The following ZNF746 variants were observed in gnomAD, a reference collection of about 807,000 sequenced individuals.
ZNF746 encodes the protein parkin-interacting substrate.
Under a neutral mutation model 41.0 loss-of-function variants are expected in ZNF746, and 13 were observed. That is an observed-to-expected ratio of 0.32 (90% confidence interval 0.21 to 0.50). The LOEUF is 0.50. Among genes scored for constraint, ZNF746 ranks in the 20% least tolerant of loss-of-function variants. The pLI is 0.98. For missense variants in ZNF746, 811 were observed against 922.9 expected (o/e 0.88, Z 1.57); for synonymous variants, 424 against 396.2 (o/e 1.07, Z -0.83).
At chr7:149,482,598 G>A (rs1451987430) in intron 4 of ZNF746, among the ~76,000 whole-genome samples, 2 of 151,878 alleles carry the variant, frequency 1.3e-5, no homozygotes, top group Admixed American at 1.3e-4. Context: ...CCGAGTAGCT[G>A]GGATTACAGA....
chr7:149,493,908 A>G (rs899333880), intron 3 of ZNF746, 81 bp downstream of exon 3: 7 of 1,608,138 alleles, frequency 4.4e-6, no homozygotes, highest in African/African-American at 1.3e-5. Context: ...TATAACACTG[A>G]CATGAAAACA....
rs1585722899 is a variant in ZNF746, at chr7:149,477,747, G to A, written c.574C>T (p.Pro192Ser). 6.2e-7 allele frequency: 1 copy of A among 1,603,582 alleles called. No individual in the cohort carries two copies. The highest frequency in any genetic ancestry group is 8.5e-7 in the Non-Finnish European group (1 of 1,172,786). ...AAGAGGTCTGGGGCGGGAACTGGGGGCCCCGAGCCTAGGAAAGGGAGTGAG... is the reference window on the plus strand; with the variant it reads ...AAGAGGTCTGGGGCGGGAACTGGGGACCCCGAGCCTAGGAAAGGGAGTGAG... ...VPVDPSPGSGPPVPAPDLLMQ... is the reference protein window; with the variant it reads ...VPVDPSPGSGSPVPAPDLLMQ... Residue 192 changes from proline (P) to serine (S), a missense_variant, in exon 5 of 7, where the codon CCC becomes TCC. Pro to Ser is a moderately conservative substitution (Grantham distance 74, BLOSUM62 -1). Coordinates refer to ENST00000458143, the MANE Select transcript of ZNF746 (RefSeq NM_001394198.1).
rs536076711 is a variant in ZNF746, at chr7:149,494,542, A to C, written c.25-39T>G. 2.9e-5 allele frequency: 47 copies of C among 1,609,092 alleles called. No individual in the cohort carries two copies. In the South Asian group the frequency reaches 3.9e-4, roughly 13 times the overall value. On this transcript the variant is annotated intron_variant, in intron 1 of 6. Coordinates refer to ENST00000458143, the MANE Select transcript of ZNF746 (RefSeq NM_001394198.1). The surrounding 1 kb of genome is among the most constrained non-coding windows in gnomAD (Gnocchi z 5.6). ...AAGAGAAACTGGCATCACTCATTCC[A>C]TCCACTGTCTTCATTGAGCCCCTCT...
chr7:149,495,380 T>C (rs1227980618), intron 1 of ZNF746, among the ~76,000 whole-genome samples: 1 of 152,202 alleles, frequency 6.6e-6, no homozygotes, highest in East Asian at 1.9e-4. Flanking sequence ...GTTAGACTTG[T>C]ATATGGACAG....
intron 4 of ZNF746, chr7:149,488,792 T>A (rs1453807206): frequency 2.0e-5 from 3 of 152,162 alleles, no homozygotes; most frequent in Non-Finnish European, 4.4e-5. Context: ...AAATCAAGCC[T>A]ACGACGTGGT....
intron 4 of ZNF746, among the ~76,000 whole-genome samples, chr7:149,479,345 T>C (rs1165447943): frequency 2.6e-5 from 4 of 152,324 alleles, no homozygotes; most frequent in African/African-American, 9.6e-5. Flanking sequence ...CAGAAGACAA[T>C]GGAATATCTT....
Position 149,474,001 on chromosome 7 carries a change from C to T in ZNF746, c.*383G>A, listed in dbSNP as rs144545891. 8.7e-4 allele frequency: 243 copies of T among 278,744 alleles called. 1 individual carries two copies. Among genetic ancestry groups the T allele is most frequent in the African/African-American group, 5.2e-3 (228 of 43,618 alleles). 17.3% of individuals were successfully genotyped at this position (278,744 alleles called of 1,614,324 possible). A position where few individuals can be genotyped will look rare whatever the true frequency, so the allele number is the denominator to read the frequency against. ...GGTCCCCAACTGGCCAACCTTCCAA[C>T]ACACTATCAGACTCAGTGAGATAGT... is the stretch of plus-strand genomic sequence containing the variant. On this transcript the variant is annotated 3_prime_UTR_variant, in exon 7 of 7. Transcript: ENST00000458143. The surrounding 1 kb of genome is among the most constrained non-coding windows in gnomAD (Gnocchi z 6.3).
intron 4 of ZNF746, among the ~76,000 whole-genome samples, chr7:149,480,868 A>ACC (rs1800465201): frequency 6.6e-6 from 1 of 152,246 alleles, no homozygotes; most frequent in Non-Finnish European, 1.5e-5. Context: ...CTAAAAATAT[A>ACC]AAGAGGGGTT....
At position 149,482,130 on chromosome 7, in the gene ZNF746, C is replaced by T. The variant is rs528251700; in HGVS notation, c.566-4375G>A. 1.6e-4 allele frequency among the ~76,000 whole-genome samples: 25 copies of T among 152,206 alleles called. No homozygotes were observed. In the East Asian group the frequency reaches 3.5e-3, roughly 21 times the overall value. On this transcript the variant is annotated intron_variant, in intron 4 of 6. Transcript: ENST00000458143. ...GTTTTTGTACACGGTTTTTGAAATA[C>T]GGTATGTATTTTATCCTTACAGCAC...
intron 4 of ZNF746, chr7:149,491,630 C>T: frequency 1.9e-6 from 1 of 514,328 alleles, no homozygotes; most frequent in Non-Finnish European, 3.5e-6. Flanking sequence ...TGCTTCTGCC[C>T]TTAGGAAAGT....
intron 6 of ZNF746, among the ~76,000 whole-genome samples, 177 bp from the exon 7 acceptor site, chr7:149,475,660 CT>C (rs1800277029): frequency 6.6e-6 from 1 of 152,194 alleles, no homozygotes; most frequent in Non-Finnish European, 1.5e-5. Flanking sequence ...CTGCCTCCCC[CT>C]CGAGGACACC....
At chr7:149,492,245 C>T (rs36123478) in intron 4 of ZNF746, among the ~76,000 whole-genome samples, 53,051 of 152,046 alleles carry the variant, frequency 0.35, 9,665 homozygotes, top group East Asian at 0.5. Context: ...CCTCAGCCTA[C>T]TCAATCTGAA....
chr7:149,485,151 TAA>T (rs57584874), intron 4 of ZNF746, among the ~76,000 whole-genome samples: 8 of 135,952 alleles, frequency 5.9e-5, no homozygotes, highest in Admixed American at 7.3e-5. Flanking sequence ...AAAAGTGATT[TAA>T]AAAAAAAAAA....
intron 4 of ZNF746, among the ~76,000 whole-genome samples, chr7:149,482,811 A>G (rs1800520470): frequency 6.6e-6 from 1 of 152,250 alleles, no homozygotes; most frequent in Non-Finnish European, 1.5e-5. Context: ...AAAATAATAA[A>G]GCAAAACTGA....
At chr7:149,495,501 A>G (rs1243240428) in intron 1 of ZNF746, among the ~76,000 whole-genome samples, 2 of 152,200 alleles carry the variant, frequency 1.3e-5, no homozygotes, top group African/African-American at 4.8e-5. Flanking sequence ...TGCGGTGGGT[A>G]GGGAGCTGGA....
At chr7:149,489,551 G>T (rs1419986023) in intron 4 of ZNF746, 2 of 152,440 alleles carry the variant, frequency 1.3e-5, no homozygotes. Flanking sequence ...CGAAAGGCCT[G>T]CAGGTGGGAC....
intron 1 of ZNF746, among the ~76,000 whole-genome samples, chr7:149,496,614 A>C (rs1801005103): frequency 6.6e-6 from 1 of 151,978 alleles, no homozygotes; most frequent in Admixed American, 6.5e-5. Flanking sequence ...GCCTTTGCCC[A>C]GGCACTCCTC....
chr7:149,477,673 G>A lies in ZNF746; in HGVS notation c.648C>T (p.Ala216=), dbSNP rs1482798912. ...CGGCTGCCCACGCCTCCACGCCCAGGGCCTGCTGCTCCTGGAGCTGGAGCT... is the reference window on the plus strand; with the variant it reads ...CGGCTGCCCACGCCTCCACGCCCAGAGCCTGCTGCTCCTGGAGCTGGAGCT... ...EGELQLQEQQ[A]LGVEAWAAGQ... is the part of the protein sequence containing the mutation. The change falls in exon 5 of 7, where the codon GCC becomes GCT. Residue 216 remains alanine, a synonymous_variant. Transcript: ENST00000458143. 3.1e-6 allele frequency: 5 copies of A among 1,613,864 alleles called. No homozygotes were observed. The highest frequency in any genetic ancestry group is 1.1e-5 in the South Asian group (1 of 91,082).
At chr7:149,483,419 C>T (rs1428013032) in intron 4 of ZNF746, among the ~76,000 whole-genome samples, 4 of 151,986 alleles carry the variant, frequency 2.6e-5, no homozygotes, top group Non-Finnish European at 4.4e-5. Context: ...TGATCCTGGC[C>T]AACATGGTGA....
Sources: gnomAD v4.1 joint callset for allele counts (sites outside exome capture counted in the v4.1 genomes callset) on GRCh38, gnomAD v4.1.1 for gene constraint, Gnocchi (gnomAD v3.1) non-coding constraint, MANE v1.5 for transcripts, NCBI Gene and HGNC (gene_info 2026-07-23, HGNC 2026-07-21) for gene names.